Variants in PPP2R2B observed in about 807,000 individuals in gnomAD.
The protein encoded by PPP2R2B is serine/threonine-protein phosphatase 2A 55 kDa regulatory subunit B beta isoform.
A neutral mutation model predicts 46.0 loss-of-function variants in PPP2R2B; 5 were observed. The observed-to-expected ratio is 0.11, with a 90% confidence interval of 0.06 to 0.23. PPP2R2B has a LOEUF of 0.23. Ranked by LOEUF, PPP2R2B falls within the 10% of genes least tolerant of loss-of-function variation. PPP2R2B has a pLI of 1.00. For missense variants in PPP2R2B, 367 were observed against 575.0 expected (o/e 0.64, Z 3.70); for synonymous variants, 215 against 206.7 (o/e 1.04, Z -0.34).
intron 1 of PPP2R2B, among the ~76,000 whole-genome samples, chr5:146,944,442 GT>G (rs1434875490): frequency 6.6e-6 from 1 of 152,122 alleles, no homozygotes; most frequent in Admixed American, 6.5e-5. Context: ...GATTTGAAAG[GT>G]TCAGAGAAAT....
At chr5:146,899,559 G>A (rs923362525) in intron 1 of PPP2R2B, among the ~76,000 whole-genome samples, 4 of 151,894 alleles carry the variant, frequency 2.6e-5, no homozygotes, top group Non-Finnish European at 4.4e-5. Context: ...CACCAGCATG[G>A]AACATGTATA....
At chr5:146,688,341 C>T (rs981007470) in intron 5 of PPP2R2B, among the ~76,000 whole-genome samples, 4 of 151,786 alleles carry the variant, frequency 2.6e-5, no homozygotes, top group South Asian at 2.1e-4. Context: ...AATGATAGCT[C>T]GAATGGGCCT....
intron 1 of PPP2R2B, among the ~76,000 whole-genome samples, chr5:147,047,574 T>C (rs1473388366): frequency 6.6e-6 from 1 of 152,148 alleles, no homozygotes. Flanking sequence ...ATACACTATA[T>C]ACTTGGTATG....
chr5:146,785,101 G>C (rs1488070660), intron 2 of PPP2R2B, among the ~76,000 whole-genome samples: 2 of 152,152 alleles, frequency 1.3e-5, no homozygotes, highest in Non-Finnish European at 2.9e-5. Flanking sequence ...TCAACTTTAT[G>C]AGATAACTCA....
chr5:146,718,749 C>T (rs1780632243), intron 2 of PPP2R2B, among the ~76,000 whole-genome samples: 1 of 152,158 alleles, frequency 6.6e-6, no homozygotes, highest in African/African-American at 2.4e-5. Context: ...TCTTTATATG[C>T]CAAGAAGTCT....
chr5:146,658,580 A>T (rs1475821843), intron 5 of PPP2R2B, among the ~76,000 whole-genome samples: 3 of 152,186 alleles, frequency 2.0e-5, no homozygotes, highest in Non-Finnish European at 2.9e-5. Flanking sequence ...CTTCCTAAGA[A>T]CTATGTGAAA....
chr5:147,013,576 C>T (rs376987609), intron 1 of PPP2R2B, among the ~76,000 whole-genome samples: 16 of 43,016 alleles, frequency 3.7e-4, no homozygotes, highest in African/African-American at 1.2e-3. Context: ...TCAGAAATAA[C>T]GCCGCATATC....
chr5:146,801,596 A>G (rs1352632415), intron 2 of PPP2R2B, among the ~76,000 whole-genome samples: 2 of 152,212 alleles, frequency 1.3e-5, no homozygotes, highest in African/African-American at 4.8e-5. Flanking sequence ...GGGAAGATAC[A>G]GGCTGTGGGG....
At chr5:146,923,165 T>A (rs1763666500) in intron 1 of PPP2R2B, among the ~76,000 whole-genome samples, 1 of 152,224 alleles carries the variant, frequency 6.6e-6, no homozygotes, top group Admixed American at 6.5e-5. Flanking sequence ...TTTCTCTGAC[T>A]TGACACTAAA....
At chr5:146,835,904 G>A (rs1010231595) in intron 2 of PPP2R2B, among the ~76,000 whole-genome samples, 1 of 152,130 alleles carries the variant, frequency 6.6e-6, no homozygotes, top group African/African-American at 2.4e-5. Flanking sequence ...AGAGCCTAAT[G>A]AAGTGGGTTG....
At chr5:146,899,188 A>G (rs1365725107) in intron 1 of PPP2R2B, among the ~76,000 whole-genome samples, 8 of 146,028 alleles carry the variant, frequency 5.5e-5, no homozygotes, top group South Asian at 2.3e-4. Context: ...TGTTTATTGC[A>G]GCACTATTCA....
chr5:147,074,790 C>T (rs548911635), intron 2 of PPP2R2B, among the ~76,000 whole-genome samples: 150 of 152,226 alleles, frequency 9.9e-4, no homozygotes, highest in African/African-American at 3.4e-3. Context: ...CACCTCACAT[C>T]GACAGTCAAA....
chr5:146,813,653 CAA>C (rs1757761399), intron 2 of PPP2R2B, among the ~76,000 whole-genome samples: 3 of 152,318 alleles, frequency 2.0e-5, no homozygotes, highest in Admixed American at 2.0e-4. Flanking sequence ...TCTCTTAATT[CAA>C]AGTCGAAACC....
chr5:147,031,750 C>T (rs574107895), intron 1 of PPP2R2B, among the ~76,000 whole-genome samples: 3 of 152,142 alleles, frequency 2.0e-5, no homozygotes, highest in Non-Finnish European at 4.4e-5. Context: ...CAAATACTTA[C>T]AGTCAACTGA....
rs116461745 is a variant in PPP2R2B, at chr5:146,834,794, G to A, written c.70+43208C>T. On this transcript the variant is annotated intron_variant, in intron 2 of 9. Transcript: ENST00000394411. ...TCTTTCCATCCTTCCCCTTCAAGCA[G>A]TCCTCAGTGTCTATTTTTCCCCTCT... 6.3e-3 allele frequency among the ~76,000 whole-genome samples: 954 copies of A among 152,102 alleles called. 17 individuals carry two copies. The highest frequency in any genetic ancestry group is 0.022 in the African/African-American group (910 of 41,506).
chr5:147,044,820 G>C (rs1040921862), intron 1 of PPP2R2B, among the ~76,000 whole-genome samples: 7 of 152,138 alleles, frequency 4.6e-5, no homozygotes, highest in Non-Finnish European at 1.5e-5. Flanking sequence ...TGGAGGCTTT[G>C]ACACAGCAGC....
chr5:146,823,024 T>A (rs1437839155), intron 2 of PPP2R2B, among the ~76,000 whole-genome samples: 2 of 152,184 alleles, frequency 1.3e-5, no homozygotes, highest in African/African-American at 4.8e-5. Context: ...CTGAGTCTTT[T>A]GGCAAAAGGG....
At chr5:146,846,798 C>A (rs1479432688) in intron 2 of PPP2R2B, among the ~76,000 whole-genome samples, 1 of 151,900 alleles carries the variant, frequency 6.6e-6, no homozygotes, top group Non-Finnish European at 1.5e-5. Flanking sequence ...TAGAATATTC[C>A]TCTATTCTCT....
At chr5:146,914,297 C>T (rs1455836633) in intron 1 of PPP2R2B, 1 of 152,144 alleles carries the variant, frequency 6.6e-6, no homozygotes, top group African/African-American at 2.4e-5. Context: ...ATAGAGGCCA[C>T]ATGCTTTCTG....
Sources: allele counts gnomAD v4.1 joint callset (sites outside exome capture counted in the v4.1 genomes callset), GRCh38; gene constraint gnomAD v4.1.1; transcripts MANE v1.5; gene names NCBI Gene and HGNC (gene_info 2026-07-23, HGNC 2026-07-21).